The following KCNH7 variants were observed in gnomAD, a reference collection of about 807,000 sequenced individuals.
The protein encoded by KCNH7 is potassium voltage-gated channel subfamily H member 7.
Under a neutral mutation model 120.8 loss-of-function variants are expected in KCNH7, and 49 were observed. The observed-to-expected ratio is 0.41, with a 90% CI of 0.32 to 0.51. The LOEUF (loss-of-function observed/expected upper bound fraction) is 0.51, where lower values mean the gene tolerates loss of function less well. Ranked by LOEUF, KCNH7 falls within the 20% of genes least tolerant of loss-of-function variation. The pLI is 0.38. For synonymous variants in KCNH7, 547 were observed against 516.1 expected (o/e 1.06, Z -0.81); for missense variants, 1,097 against 1,446.6 (o/e 0.76, Z 3.92).
At chr2:162,656,236 T>A (rs1160521135) in intron 2 of KCNH7, among the ~76,000 whole-genome samples, 1 of 152,164 alleles carries the variant, frequency 6.6e-6, no homozygotes, top group Non-Finnish European at 1.5e-5. Context: ...GCACAAACAA[T>A]AAATCCACTG....
intron 6 of KCNH7, among the ~76,000 whole-genome samples, chr2:162,489,078 G>A (rs1227221834): frequency 2.6e-5 from 4 of 152,094 alleles, no homozygotes; most frequent in Non-Finnish European, 4.4e-5. Flanking sequence ...GTCATTATGT[G>A]ATTGTATTGA....
At chr2:162,442,486 G>A (rs1480969201) in intron 7 of KCNH7, among the ~76,000 whole-genome samples, 1 of 152,062 alleles carries the variant, frequency 6.6e-6, no homozygotes, top group African/African-American at 2.4e-5. Flanking sequence ...TAGGGAAATT[G>A]GCAAAGAAGA....
rs116239928 is a variant in KCNH7, at chr2:162,532,988, C to T, written c.463+3937G>A. Among the ~76,000 whole-genome samples, 847 of 151,764 alleles carry T rather than the reference C, an allele frequency of 5.6e-3. 5 individuals carry two copies. Among genetic ancestry groups the T allele is most frequent in the African/African-American group, 0.017 (723 of 41,424 alleles). On this transcript the variant is annotated intron_variant, in intron 3 of 15. Coordinates refer to ENST00000332142, the MANE Select transcript of KCNH7 (RefSeq NM_033272.4). ...TTGACGAAAACTGCATGGTGGGAAG[C>T]AGAAGAAAAGGATTATAAGCTATTA...
At chr2:162,702,799 A>G (rs902722008) in intron 2 of KCNH7, among the ~76,000 whole-genome samples, 6 of 151,580 alleles carry the variant, frequency 4.0e-5, no homozygotes, top group African/African-American at 1.5e-4. Flanking sequence ...TGTCCTCTCA[A>G]CTCTCACTTG....
chr2:162,756,471 T>C (rs1426310042), intron 2 of KCNH7, among the ~76,000 whole-genome samples: 1 of 152,150 alleles, frequency 6.6e-6, no homozygotes, highest in African/African-American at 2.4e-5. Context: ...AAACTTGTTT[T>C]TATTTCTACT....
intron 2 of KCNH7, among the ~76,000 whole-genome samples, chr2:162,577,373 CTAT>C (rs1693719416): frequency 6.6e-6 from 1 of 150,560 alleles, no homozygotes; most frequent in African/African-American, 2.5e-5. Context: ...ATCTATCTAT[CTAT>C]CTATCTATCT....
intron 2 of KCNH7, among the ~76,000 whole-genome samples, chr2:162,812,742 A>G (rs1165016648): frequency 2.0e-5 from 3 of 152,180 alleles, no homozygotes; most frequent in Non-Finnish European, 4.4e-5. Context: ...TGAGAAATCA[A>G]TAATAATAAA....
At chr2:162,699,311 G>C (rs577963570) in intron 2 of KCNH7, among the ~76,000 whole-genome samples, 1 of 152,024 alleles carries the variant, frequency 6.6e-6, no homozygotes, top group Non-Finnish European at 1.5e-5. Flanking sequence ...TTATTTCACC[G>C]AATGTCCTCC....
intron 6 of KCNH7, among the ~76,000 whole-genome samples, chr2:162,448,771 CT>C (rs998173587): frequency 1.3e-5 from 2 of 151,992 alleles, no homozygotes; most frequent in Admixed American, 6.6e-5. Context: ...CAGATGACCA[CT>C]GTGCTAAGAG....
chr2:162,383,526 C>G (rs1396270237), intron 13 of KCNH7, among the ~76,000 whole-genome samples: 2 of 151,812 alleles, frequency 1.3e-5, no homozygotes, highest in Admixed American at 1.3e-4. Flanking sequence ...AATATAAAGC[C>G]TAAGTATCCT....
At chr2:162,643,307 C>A (rs547642493) in intron 2 of KCNH7, among the ~76,000 whole-genome samples, 5 of 150,778 alleles carry the variant, frequency 3.3e-5, no homozygotes, top group South Asian at 4.2e-4. Context: ...TTTATCAGAA[C>A]CTATTTGCAA....
chr2:162,398,209 G>T (rs1435185193), intron 10 of KCNH7, among the ~76,000 whole-genome samples: 1 of 151,544 alleles, frequency 6.6e-6, no homozygotes, highest in Non-Finnish European at 1.5e-5. Context: ...AAACTCCTTG[G>T]GTATATTATT....
chr2:162,609,780 C>T lies in KCNH7; in HGVS notation c.308-72700G>A, dbSNP rs114059218. Among the ~76,000 whole-genome samples the T allele has an allele frequency of 4.5e-3, 683 of 152,164 alleles. 7 individuals are homozygous for T. The highest frequency in any genetic ancestry group is 0.016 in the African/African-American group (656 of 41,526). Reference sequence around the variant, plus strand: ...AAAGAGACTGAGACACGAATAATAGCGACTCCTGAATAGTCAACAATTTGA... The same window carrying T: ...AAAGAGACTGAGACACGAATAATAGTGACTCCTGAATAGTCAACAATTTGA... On this transcript the variant is annotated intron_variant, in intron 2 of 15. Transcript: ENST00000332142.
At position 162,435,199 on chromosome 2, in the gene KCNH7, G is replaced by C. The variant is rs1374628920; in HGVS notation, c.1953C>G (p.Gly651=). Residue 651 remains glycine, a splice_region_variant and synonymous_variant, in exon 8 of 16, where the codon GGC becomes GGG. Transcript: ENST00000332142. ...KIFSICVMLI[G]SLMYASIFGN... The stretch of plus-strand genomic sequence containing the variant: ...ACAACAGAAGAGAAAGCTACTTACA[G>C]CCAATCAACATGACACAAATTGAAA... The C allele has an allele frequency of 1.2e-6, 2 of 1,610,522 alleles. No homozygotes were observed. The highest frequency in any genetic ancestry group is 3.3e-5 in the Admixed American group (2 of 59,766).
chr2:162,707,625 G>GT (rs1364269308), intron 2 of KCNH7, among the ~76,000 whole-genome samples: 6 of 152,034 alleles, frequency 3.9e-5, no homozygotes, highest in African/African-American at 4.8e-5. Context: ...TAATACTACT[G>GT]TAAGGAAGAT....
At chr2:162,783,153 T>C (rs1477073618) in intron 2 of KCNH7, among the ~76,000 whole-genome samples, 1 of 152,180 alleles carries the variant, frequency 6.6e-6, no homozygotes, top group Non-Finnish European at 1.5e-5. Context: ...CAGACATCTC[T>C]ACAAGCTTTC....
At chr2:162,514,266 G>T (rs1182103288) in intron 4 of KCNH7, among the ~76,000 whole-genome samples, 3 of 151,884 alleles carry the variant, frequency 2.0e-5, no homozygotes, top group South Asian at 2.1e-4. Flanking sequence ...CTCTTTGAGA[G>T]AATTACAAGA....
chr2:162,831,367 G>A (rs1404334517), intron 2 of KCNH7, among the ~76,000 whole-genome samples: 1 of 152,076 alleles, frequency 6.6e-6, no homozygotes, highest in Non-Finnish European at 1.5e-5. Context: ...TGAATACTTC[G>A]GAAGGACAGC....
Position 162,423,485 on chromosome 2 carries a change from G to A in KCNH7, c.2005C>T (p.Leu669=), listed in dbSNP as rs1473990844. 1 of 1,614,066 alleles carries A rather than the reference G, an allele frequency of 6.2e-7. No individual in the cohort carries two copies. Among genetic ancestry groups the A allele is most frequent in the Non-Finnish European group, 8.5e-7 (1 of 1,179,924 alleles). Residue 669 remains leucine (L), a synonymous_variant, in exon 9 of 16, where the codon CTA becomes TTA. Coordinates refer to ENST00000332142, the MANE Select transcript of KCNH7 (RefSeq NM_033272.4). The part of the protein sequence containing the change: ...FGNVSAIIQR[L]YSGTARYHMQ... ...TGGTACCTGGCAGTTCCCGAGTATAGTCTTTGGATAATTGCAGATACATTC... is the reference window on the plus strand; with the variant it reads ...TGGTACCTGGCAGTTCCCGAGTATAATCTTTGGATAATTGCAGATACATTC...
Sources: gnomAD v4.1 joint callset for allele counts (sites outside exome capture counted in the v4.1 genomes callset) on GRCh38, gnomAD v4.1.1 for gene constraint, MANE v1.5 for transcripts, NCBI Gene and HGNC (gene_info 2026-07-23, HGNC 2026-07-21) for gene names.